Variants in ZFHX3 observed in about 807,000 individuals in gnomAD.
ZFHX3 encodes the protein zinc finger homeobox protein 3.
A neutral mutation model predicts 279.1 loss-of-function variants in ZFHX3; 42 were observed. The observed-to-expected ratio is 0.15, with a 90% CI of 0.12 to 0.19. The LOEUF (loss-of-function observed/expected upper bound fraction) is 0.19, where lower values mean the gene tolerates loss of function less well. Ranked by LOEUF, ZFHX3 falls within the 10% of genes least tolerant of loss-of-function variation. The probability of loss-of-function intolerance (pLI) is 1.00; values close to 1 mark genes in which losing one functional copy is unlikely to be tolerated. For synonymous variants in ZFHX3, 2,293 were observed against 1,957.8 expected (o/e 1.17, Z -4.52); for missense variants, 4,981 against 4,754.0 (o/e 1.05, Z -1.40).
At chr16:73,755,121 T>A (rs1312884547) in intron 1 of ZFHX3, among the ~76,000 whole-genome samples, 2 of 152,186 alleles carry the variant, frequency 1.3e-5, no homozygotes, top group African/African-American at 2.4e-5. Context: ...ATGGTTTGAA[T>A]CCAGGAAACT....
intron 1 of ZFHX3, among the ~76,000 whole-genome samples, chr16:73,851,140 T>C (rs962537302): frequency 3.3e-5 from 5 of 152,330 alleles, no homozygotes; most frequent in Non-Finnish European, 7.3e-5. Context: ...GATTTTTTTC[T>C]GCAAAGAGCT....
intron 1 of ZFHX3, among the ~76,000 whole-genome samples, chr16:72,995,599 T>C (rs1963255647): frequency 6.6e-6 from 1 of 152,156 alleles, no homozygotes; most frequent in Non-Finnish European, 1.5e-5. Context: ...ACAAAGGCTG[T>C]CAGTCCTCAG....
intron 2 of ZFHX3, among the ~76,000 whole-genome samples, chr16:73,473,361 A>AAC (rs1302417430): frequency 2.8e-3 from 163 of 57,310 alleles, no homozygotes; most frequent in Non-Finnish European, 4.9e-3. Context: ...AAAAAAACAA[A>AAC]AAAAAAAAAA....
chr16:73,052,055 A>G (rs556425363), upstream of ZFHX3, among the ~76,000 whole-genome samples: 1 of 152,280 alleles, frequency 6.6e-6, no homozygotes, highest in East Asian at 1.9e-4. Context: ...TTTTGTTCAT[A>G]GGCCATTCCC....
chr16:72,874,791 G>A (rs1597334501), intron 4 of ZFHX3, among the ~76,000 whole-genome samples: 1 of 152,148 alleles, frequency 6.6e-6, no homozygotes, highest in African/African-American at 2.4e-5. Flanking sequence ...ACCACACCAT[G>A]CCCTCCTAAC....
chr16:73,114,281 G>T (rs1966409023), intron 7 of ZFHX3, among the ~76,000 whole-genome samples: 1 of 151,356 alleles, frequency 6.6e-6, no homozygotes, highest in South Asian at 2.1e-4. Flanking sequence ...GAGGCTATTT[G>T]GTGATGGTCT....
At chr16:73,124,589 A>C (rs1419468958) in intron 7 of ZFHX3, among the ~76,000 whole-genome samples, 1 of 152,228 alleles carries the variant, frequency 6.6e-6, no homozygotes, top group African/African-American at 2.4e-5. Flanking sequence ...TAACAGTGAC[A>C]GTACATGCTT....
intron 1 of ZFHX3, among the ~76,000 whole-genome samples, chr16:73,798,242 C>T (rs1960049898): frequency 6.6e-6 from 1 of 151,976 alleles, no homozygotes; most frequent in African/African-American, 2.4e-5. Flanking sequence ...AGATGGAAAA[C>T]ATGGTCTCTG....
chr16:72,837,222 C>G (rs1179541290), intron 4 of ZFHX3, among the ~76,000 whole-genome samples: 1 of 152,176 alleles, frequency 6.6e-6, no homozygotes, highest in Non-Finnish European at 1.5e-5. Context: ...TGTGAAAGAC[C>G]TCTCTCCACC....
intron 5 of ZFHX3, among the ~76,000 whole-genome samples, chr16:73,246,977 A>T (rs1662458338): frequency 6.6e-6 from 1 of 152,190 alleles, no homozygotes; most frequent in African/African-American, 2.4e-5. Context: ...GTGGATGTAT[A>T]TGTATATATG....
chr16:73,891,506 A>G (rs2030537125), intron 1 of ZFHX3: 1 of 152,204 alleles, frequency 6.6e-6, no homozygotes, highest in African/African-American at 2.4e-5. Context: ...AGAGGGAGAG[A>G]GAGGGGGAGA....
chr16:73,459,790 G>T (rs1195089137), intron 2 of ZFHX3, among the ~76,000 whole-genome samples: 1 of 152,172 alleles, frequency 6.6e-6, no homozygotes, highest in East Asian at 1.9e-4. Flanking sequence ...GGAAGGAGAA[G>T]TGCTGAGCTA....
Position 73,765,237 on chromosome 16 carries a change from G to GA in ZFHX3, c.-1607-84998dup, listed in dbSNP as rs200124672. 5.9e-3 allele frequency among the ~76,000 whole-genome samples: 894 copies of GA among 151,354 alleles called. 8 individuals carry two copies. Among genetic ancestry groups the GA allele is most frequent in the Non-Finnish European group, 7.0e-3 (477 of 67,750 alleles). On this transcript the variant is annotated intron_variant, in intron 1 of 17. Coordinates refer to the ZFHX3 transcript ENST00000641206. ...AACCGAAGTCACTACCTAAGGGTTA[G>GA]AAAAAAAAAGACAGATTCTCTAGAG...
At chr16:72,800,314 A>G (rs1186843166) in intron 7 of ZFHX3, among the ~76,000 whole-genome samples, 185 bp from the exon 8 acceptor site, 2 of 152,234 alleles carry the variant, frequency 1.3e-5, no homozygotes, top group Non-Finnish European at 2.9e-5. Context: ...AAGTGTTTCT[A>G]CGGTTACATT....
intron 1 of ZFHX3, among the ~76,000 whole-genome samples, chr16:73,797,307 C>G (rs1670510028): frequency 6.6e-6 from 1 of 152,178 alleles, no homozygotes; most frequent in African/African-American, 2.4e-5. Flanking sequence ...AGTGCTGAGG[C>G]TAAAATTACT....
chr16:73,128,888 G>T (rs12444053), intron 7 of ZFHX3, among the ~76,000 whole-genome samples: 27,980 of 152,134 alleles, frequency 0.18, 3,407 homozygotes, highest in Middle Eastern at 0.28. Flanking sequence ...ATATAACGGG[G>T]ATGGTAACAC....
chr16:73,098,562 A>C (rs368284998), intron 7 of ZFHX3, among the ~76,000 whole-genome samples: 6 of 152,140 alleles, frequency 3.9e-5, no homozygotes, highest in African/African-American at 1.4e-4. Flanking sequence ...GGGTTTTGCC[A>C]TGTTGGCCAG....
rs1393805066 is a variant in ZFHX3 at position 72,960,213 on chromosome 16, G to C, written c.-49-19C>G. On this transcript the variant is annotated intron_variant, in intron 1 of 9. Coordinates refer to ENST00000268489, the MANE Select transcript of ZFHX3 (RefSeq NM_006885.4). ...CTCGGACCTGAAGGGCAGAGGCAAG[G>C]GGGGAGGAGGGAGAGAGGGGAAAGA... The C allele has an allele frequency of 1.6e-5, 23 of 1,481,104 alleles. No homozygotes were observed. Among genetic ancestry groups the C allele is most frequent in the Middle Eastern group, 1.9e-4 (1 of 5,314 alleles). The allele number at this position is 1,481,104 out of a possible 1,614,324, so 91.7% of individuals were successfully genotyped here.
At chr16:73,297,947 G>C (rs2014955849) in intron 4 of ZFHX3, among the ~76,000 whole-genome samples, 1 of 151,836 alleles carries the variant, frequency 6.6e-6, no homozygotes, top group African/African-American at 2.4e-5. Flanking sequence ...TGCTTTGGGA[G>C]GCTGAGGGGG....
Sources: gnomAD v4.1 joint callset for allele counts (sites outside exome capture counted in the v4.1 genomes callset) on GRCh38, gnomAD v4.1.1 for gene constraint, MANE v1.5 for transcripts, NCBI Gene and HGNC (gene_info 2026-07-23, HGNC 2026-07-21) for gene names.